Variants in PARD3 observed in about 807,000 individuals in gnomAD.
PARD3 encodes par-3 family cell polarity regulator.
In PARD3, 75 loss-of-function variants were observed where a neutral mutation model predicts 155.4. The observed-to-expected ratio is 0.48, with a 90% CI of 0.40 to 0.58. PARD3 has a LOEUF of 0.58. PARD3 is among the 20% of genes least tolerant of loss of function. The pLI is 0.00. For synonymous variants in PARD3, 576 were observed against 610.5 expected, an observed-to-expected ratio of 0.94 and a Z score of 0.83; for missense variants, 1,642 against 1,721.7, an observed-to-expected ratio of 0.95 and a Z score of 0.82.
At chr10:34,786,654 C>G (rs1451150565) in intron 1 of PARD3, among the ~76,000 whole-genome samples, 1 of 146,688 alleles carries the variant, frequency 6.8e-6, no homozygotes, top group Non-Finnish European at 1.5e-5. Context: ...CAGCGTATGA[C>G]AGGGACAGAT....
At chr10:34,705,314 CTTG>C (rs2094346601) in intron 1 of PARD3, among the ~76,000 whole-genome samples, 1 of 152,024 alleles carries the variant, frequency 6.6e-6, no homozygotes, top group Non-Finnish European at 1.5e-5. Context: ...TAAGTTTTTT[CTTG>C]TTGTTATTTT....
chr10:34,130,651 G>T (rs1947558108), intron 23 of PARD3, among the ~76,000 whole-genome samples: 1 of 152,162 alleles, frequency 6.6e-6, no homozygotes, highest in African/African-American at 2.4e-5. Flanking sequence ...TCAGAACACA[G>T]TTCTGGCACT....
chr10:34,590,775 G>A (rs2088607321), intron 2 of PARD3, among the ~76,000 whole-genome samples: 2 of 152,140 alleles, frequency 1.3e-5, no homozygotes, highest in African/African-American at 4.8e-5. Context: ...GTCTAGATTT[G>A]TCTTTTAGGA....
intron 10 of PARD3, among the ~76,000 whole-genome samples, chr10:34,375,890 T>C (rs754850424): frequency 5.9e-5 from 9 of 152,174 alleles, no homozygotes; most frequent in Admixed American, 1.3e-4. Flanking sequence ...TATTAAGGAA[T>C]TGCAGACAGA....
intron 10 of PARD3, among the ~76,000 whole-genome samples, chr10:34,376,280 G>A (rs770555202): frequency 6.6e-6 from 1 of 152,148 alleles, no homozygotes; most frequent in Non-Finnish European, 1.5e-5. Context: ...CAGGTTGCAG[G>A]TCTTTCTCAC....
At chr10:34,788,551 G>A (rs1192553119) in intron 1 of PARD3, among the ~76,000 whole-genome samples, 1 of 151,714 alleles carries the variant, frequency 6.6e-6, no homozygotes, top group African/African-American at 2.4e-5. Flanking sequence ...CTGGGTTCAA[G>A]TGATTCTCCT....
chr10:34,131,382 A>C, intron 23 of PARD3, 81 bp downstream of exon 23: 2 of 1,488,948 alleles, frequency 1.3e-6, no homozygotes, highest in Non-Finnish European at 1.9e-6. Context: ...CGTTTCATAG[A>C]GCATTGAGGT....
At chr10:34,125,110 A>C (rs889304537) in intron 23 of PARD3, among the ~76,000 whole-genome samples, 15 of 145,190 alleles carry the variant, frequency 1.0e-4, no homozygotes, top group African/African-American at 3.3e-4. Context: ...TCTTGTCGCC[A>C]AGTTAGAGTG....
At chr10:34,187,167 A>G (rs1950527469) in intron 22 of PARD3, among the ~76,000 whole-genome samples, 1 of 152,158 alleles carries the variant, frequency 6.6e-6, no homozygotes, top group Non-Finnish European at 1.5e-5. Context: ...TGGAGACGTT[A>G]AAGAACTGCC....
At chr10:34,608,619 CCACCTCCCAGGTTCAAGCAGTTCT>C (rs2090650814) in intron 2 of PARD3, among the ~76,000 whole-genome samples, 1 of 150,496 alleles carries the variant, frequency 6.6e-6, no homozygotes, top group South Asian at 2.1e-4. Context: ...ACTGCAACCT[CCACCTCCCAGGTTCAAGCAGTTCT>C]CCTGCTTCAG....
At chr10:34,232,252 C>CA (rs1406140321) in intron 22 of PARD3, among the ~76,000 whole-genome samples, 14 of 152,062 alleles carry the variant, frequency 9.2e-5, no homozygotes, top group Non-Finnish European at 1.9e-4. Flanking sequence ...ATGTTTCTTC[C>CA]AAGGACTCCA....
rs1957004185 is a variant in PARD3, at chr10:34,298,352, G to A, written c.3066-14107C>T. Among the ~76,000 whole-genome samples the A allele has an allele frequency of 2.6e-5, 4 of 152,138 alleles. No homozygotes were observed. In the South Asian group the frequency reaches 6.2e-4, roughly 24 times the overall value. On this transcript the variant is annotated intron_variant, in intron 20 of 24. Coordinates refer to ENST00000374788, the MANE Select transcript of PARD3 (RefSeq NM_001184785.2). ...GCAGCCTTATTACAACCGCTAGCGTGCATCGACGTGGGAATGGATAAACAA... is the reference window on the plus strand; with the variant it reads ...GCAGCCTTATTACAACCGCTAGCGTACATCGACGTGGGAATGGATAAACAA...
intron 2 of PARD3, among the ~76,000 whole-genome samples, chr10:34,584,682 C>T (rs779159073): frequency 2.0e-5 from 3 of 152,130 alleles, no homozygotes; most frequent in Middle Eastern, 3.4e-3. Context: ...AGAGACAAAC[C>T]TTTTTTTGAA....
intron 1 of PARD3, among the ~76,000 whole-genome samples, chr10:34,806,020 C>CA (rs1843338056): frequency 6.6e-6 from 1 of 151,558 alleles, no homozygotes; most frequent in Non-Finnish European, 1.5e-5. Flanking sequence ...TTCTGAAGGA[C>CA]ACCCTAGACA....
At chr10:34,443,249 C>T (rs376404596) in intron 5 of PARD3, among the ~76,000 whole-genome samples, 2 of 152,166 alleles carry the variant, frequency 1.3e-5, no homozygotes, top group South Asian at 4.1e-4. Flanking sequence ...AATGTTTCTT[C>T]ACTAGTTTTT....
chr10:34,262,056 C>T (rs1041176189), intron 22 of PARD3, among the ~76,000 whole-genome samples: 5 of 152,042 alleles, frequency 3.3e-5, no homozygotes, highest in Non-Finnish European at 7.4e-5. Flanking sequence ...TTTTTATTAG[C>T]CCAAGAGTAA....
chr10:34,240,869 G>A (rs762647990), intron 22 of PARD3, among the ~76,000 whole-genome samples: 6 of 152,104 alleles, frequency 3.9e-5, no homozygotes, highest in Non-Finnish European at 8.8e-5. Flanking sequence ...GAAACTGCCT[G>A]AGCGTGCACC....
At chr10:34,814,562 C>A (rs1300018548) in intron 1 of PARD3, among the ~76,000 whole-genome samples, 2 of 152,074 alleles carry the variant, frequency 1.3e-5, no homozygotes, top group East Asian at 3.9e-4. Flanking sequence ...CTGCAGACTC[C>A]GGGGAGGCGC....
At chr10:34,706,027 T>C (rs1030302892) in intron 1 of PARD3, among the ~76,000 whole-genome samples, 1 of 152,104 alleles carries the variant, frequency 6.6e-6, no homozygotes, top group African/African-American at 2.4e-5. Flanking sequence ...CACAAAGTCA[T>C]GGAAGTCCTT....
Sources: gnomAD v4.1 joint callset for allele counts (sites outside exome capture counted in the v4.1 genomes callset) on GRCh38, gnomAD v4.1.1 for gene constraint, MANE v1.5 for transcripts, NCBI Gene and HGNC (gene_info 2026-07-23, HGNC 2026-07-21) for gene names.